Variants in PCDH18 observed in about 807,000 individuals in gnomAD.
The protein encoded by PCDH18 is protocadherin-18.
PCDH18 carries 38 observed loss-of-function variants against 71.5 expected under a neutral mutation model. The ratio of observed to expected loss-of-function variants is 0.53; its 90% CI spans 0.41 to 0.70. PCDH18 has a LOEUF of 0.70. PCDH18 is among the 30% of genes least tolerant of loss of function. The pLI is 0.00. For synonymous variants in PCDH18, 565 were observed against 505.4 expected (o/e 1.12, Z -1.58); for missense variants, 1,334 against 1,384.6 (o/e 0.96, Z 0.58).
rs1401305902 is a variant in PCDH18 at position 137,520,636 on chromosome 4, T to A, written c.*393A>T. ...AATTAAGAATTGTATAATGCTTCAG[T>A]GGGGTTGTTCATACAACATAATAAT... On this transcript the variant is annotated 3_prime_UTR_variant, in exon 4 of 4. Coordinates refer to ENST00000344876, the MANE Select transcript of PCDH18 (RefSeq NM_019035.5). The A allele has an allele frequency of 6.3e-6, 1 of 159,266 alleles. No homozygotes were observed. Among genetic ancestry groups the A allele is most frequent in the Non-Finnish European group, 1.4e-5 (1 of 72,806 alleles). The allele number at this position is 159,266 out of a possible 1,614,324, so 9.9% of individuals were successfully genotyped here.
Position 137,519,378 on chromosome 4 carries a change from A to G in PCDH18, c.*1651T>C, listed in dbSNP as rs1354644683. Reference sequence around the variant, plus strand: ...ACCTTTTTATCCTGCACAATTTAATACAAAATGTCCTAAGAAAGTATTTTT... The same window carrying G: ...ACCTTTTTATCCTGCACAATTTAATGCAAAATGTCCTAAGAAAGTATTTTT... On this transcript the variant is annotated 3_prime_UTR_variant, in exon 4 of 4. Transcript: ENST00000344876. 1 of 152,210 alleles carries G rather than the reference A, an allele frequency of 6.6e-6. No individual in the cohort carries two copies. The highest frequency in any genetic ancestry group is 1.5e-5 in the Non-Finnish European group (1 of 68,032). 9.4% of individuals were successfully genotyped at this position (152,210 alleles called of 1,614,324 possible).
At chr4:137,522,635 G>A (rs1270915895) in intron 3 of PCDH18, among the ~76,000 whole-genome samples, 1 of 152,148 alleles carries the variant, frequency 6.6e-6, no homozygotes, top group African/African-American at 2.4e-5. Context: ...GCAGAATGCA[G>A]AAAATGCAAA....
At position 137,531,963 on chromosome 4, in the gene PCDH18, T is replaced by G. The variant is rs773767369; in HGVS notation, c.126A>C (p.Ser42=). 4 of 1,614,094 alleles carry G rather than the reference T, an allele frequency of 2.5e-6. No individual in the cohort carries two copies. The South Asian group carries it at 4.4e-5, about 18-fold the overall frequency. Reference sequence around the variant, plus strand: ...CATCCTCTGATAGTCTTGCAATTACTGATCCAACCCTCTGTTCCTCATAAA... The same window carrying G: ...CATCCTCTGATAGTCTTGCAATTACGGATCCAACCCTCTGTTCCTCATAAA... ...YRIYEEQRVG[S]VIARLSEDVA... The change falls in exon 1 of 4, where the codon TCA becomes TCC. Residue 42 remains serine, a synonymous_variant. Coordinates refer to ENST00000344876, the MANE Select transcript of PCDH18 (RefSeq NM_019035.5).
In PCDH18 at chr4:137,532,339, T is replaced by C; in HGVS notation, c.-251A>G. Reference sequence around the variant, plus strand: ...TTCGTCCTCTTTCCAGGCAGGAGAGTGTCACCTCCGCGTTTTCTCCCTTGT... The same window carrying C: ...TTCGTCCTCTTTCCAGGCAGGAGAGCGTCACCTCCGCGTTTTCTCCCTTGT... On this transcript the variant is annotated 5_prime_UTR_variant, in exon 1 of 4. Transcript: ENST00000344876. The C allele has an allele frequency of 1.4e-6, 1 of 702,342 alleles. No homozygotes were observed. The allele number at this position is 702,342 out of a possible 1,614,324, so 43.5% of individuals were successfully genotyped here. A position where few individuals can be genotyped will look rare whatever the true frequency, so the allele number is the denominator to read the frequency against.
chr4:137,521,553 G>T lies in PCDH18; in HGVS notation c.2884C>A (p.His962Asn). 1 of 1,614,090 alleles carries T rather than the reference G, an allele frequency of 6.2e-7. No homozygotes were observed. The highest frequency in any genetic ancestry group is 2.2e-5 in the East Asian group (1 of 44,846). Reference sequence around the variant, plus strand: ...TCATCCTCAAGACTCTGATGTGGATGCTGCTGCTGGGGTTGCGTTGGGAAT... The same window carrying T: ...TCATCCTCAAGACTCTGATGTGGATTCTGCTGCTGGGGTTGCGTTGGGAAT... ...EEFPTQPQQQ[H>N]PHQSLEDDAQ... Residue 962 changes from histidine to asparagine, a missense_variant, in exon 4 of 4, where the codon CAT becomes AAT. By Grantham distance (68) the His-to-Asn change is moderately conservative. Transcript: ENST00000344876.
Position 137,532,016 on chromosome 4 carries a change from C to T in PCDH18, c.73G>A (p.Val25Ile). 1 of 1,613,826 alleles carries T rather than the reference C, an allele frequency of 6.2e-7. No homozygotes were observed. The change falls in exon 1 of 4, where the codon GTA (valine) becomes ATA (isoleucine). Residue 25 changes from valine to isoleucine, a missense_variant. By Grantham distance (29) the Val-to-Ile change is conservative (BLOSUM62 3). Around this residue, in one of 3 missense-constraint regions of PCDH18, gnomAD observed 1,011 missense variants for 1,048.0 expected, o/e 0.96. Transcript: ENST00000344876. ...ALLIVSFNHD[V>I]LGKNLKYRIY... ...CTGTATTTCAAATTCTTGCCCAGTA[C>T]ATCGTGGTTGAAAGATACTATCAGA... is the stretch of plus-strand genomic sequence containing the variant.
At position 137,530,883 on chromosome 4, in the gene PCDH18, A is replaced by G. The variant is rs1731662381; in HGVS notation, c.1206T>C (p.His402=). 3.1e-6 allele frequency: 5 copies of G among 1,611,752 alleles called. No individual in the cohort carries two copies. The highest frequency in any genetic ancestry group is 1.3e-5 in the African/African-American group (1 of 74,728). ...NGEIVCKLHG[H]GHFKLQKTYE... ...ATGTCTTCTGAAGTTTAAAGTGACC[A>G]TGTCCATGAAGCTTACAAACTATTT... is the stretch of plus-strand genomic sequence containing the variant. The change falls in exon 1 of 4, where the codon CAT becomes CAC. Residue 402 remains histidine (H), a synonymous_variant. Coordinates refer to ENST00000344876, the MANE Select transcript of PCDH18 (RefSeq NM_019035.5).
chr4:137,531,711 T>C lies in PCDH18; in HGVS notation c.378A>G (p.Glu126=), dbSNP rs1253228066. ...GAGAATTGTCATTAATATCCAGCAC[T>C]TCAACTTCAATATGGAAAAGCTGCA... ...EHLQLFHIEV[E]VLDINDNSPQ... Residue 126 remains glutamate (E), a synonymous_variant, in exon 1 of 4, where the codon GAA becomes GAG. Transcript: ENST00000344876. 1.2e-6 allele frequency: 2 copies of C among 1,614,020 alleles called. No individual in the cohort carries two copies. Among genetic ancestry groups the C allele is most frequent in the Non-Finnish European group, 1.7e-6 (2 of 1,180,018 alleles).
In PCDH18 at chr4:137,529,686, T is replaced by G. The variant is rs1392495035; in HGVS notation, c.2403A>C (p.Ser801=). ...ATGAGATTGTCACCAAACTGTTGAGTGACTGGTGACTGTTGTGACTCTGCC... is the reference window on the plus strand; with the variant it reads ...ATGAGATTGTCACCAAACTGTTGAGGGACTGGTGACTGTTGTGACTCTGCC... The part of the protein sequence containing the change: ...GSRQSHNSHQ[S]LNSLVTISSN... The change falls in exon 1 of 4, where the codon TCA becomes TCC. Residue 801 remains serine, a synonymous_variant. Transcript: ENST00000344876. 6.2e-7 allele frequency: 1 copy of G among 1,613,682 alleles called. No homozygotes were observed. The highest frequency in any genetic ancestry group is 8.5e-7 in the Non-Finnish European group (1 of 1,179,814).
Position 137,520,784 on chromosome 4 carries a change from A to C in PCDH18, c.*245T>G. On this transcript the variant is annotated 3_prime_UTR_variant, in exon 4 of 4. Transcript: ENST00000344876. ...AAACATGTCTGTCATGGGAGTAAAAAAATAAAATTTGTTTGTTAAATTACA... is the reference window on the plus strand; with the variant it reads ...AAACATGTCTGTCATGGGAGTAAAACAATAAAATTTGTTTGTTAAATTACA... 1 of 388,822 alleles carries C rather than the reference A, an allele frequency of 2.6e-6. No homozygotes were observed. The highest frequency in any genetic ancestry group is 4.0e-5 in the East Asian group (1 of 24,720). The allele number at this position is 388,822 out of a possible 1,614,324, so 24.1% of individuals were successfully genotyped here. A position where few individuals can be genotyped will look rare whatever the true frequency, so the allele number is the denominator to read the frequency against.
chr4:137,525,998 A>G (rs1731443232), intron 3 of PCDH18, among the ~76,000 whole-genome samples: 1 of 151,956 alleles, frequency 6.6e-6, no homozygotes, highest in African/African-American at 2.4e-5. Context: ...ATGTCTACCT[A>G]TTGTTTCGCC....
intron 3 of PCDH18, among the ~76,000 whole-genome samples, chr4:137,528,018 T>G (rs1464297142): frequency 6.6e-6 from 1 of 152,196 alleles, no homozygotes; most frequent in Admixed American, 6.6e-5. Context: ...TGTATTTTAG[T>G]CTCTGATTTT....
In PCDH18 at chr4:137,527,857, A is replaced by G. The variant is rs563664490; in HGVS notation, c.2740+621T>C. 3.3e-5 allele frequency among the ~76,000 whole-genome samples: 5 copies of G among 152,308 alleles called. No individual in the cohort carries two copies. The East Asian group carries it at 7.7e-4, about 24-fold the overall frequency. On this transcript the variant is annotated intron_variant, in intron 3 of 3. Coordinates refer to ENST00000344876, the MANE Select transcript of PCDH18 (RefSeq NM_019035.5). The stretch of plus-strand genomic sequence containing the variant: ...TTCGAAACTTAATAGCATCTCTTCT[A>G]TCTAGCTGTGTACTTAAAAATTCCA...
chr4:137,528,350 A>G, intron 3 of PCDH18, 128 bp downstream of exon 3: 1 of 727,402 alleles, frequency 1.4e-6, no homozygotes, highest in Non-Finnish European at 2.3e-6. Context: ...AACATACTAT[A>G]AAACATATTA....
chr4:137,531,877 C>T lies in PCDH18; in HGVS notation c.212G>A (p.Arg71Lys), dbSNP rs138072784. 50 of 1,613,848 alleles carry T rather than the reference C, an allele frequency of 3.1e-5. No individual in the cohort carries two copies. The highest frequency in any genetic ancestry group is 6.7e-5 in the African/African-American group (5 of 74,892). Reference protein sequence around the residue: ...PSTVRFRAMQRGNSPLLVVNE... With the variant: ...PSTVRFRAMQKGNSPLLVVNE... ...TACTACAAGTAGAGGAGAATTTCCCCTCTGCATGGCTCGAAATCGAACAGT... is the reference window on the plus strand; with the variant it reads ...TACTACAAGTAGAGGAGAATTTCCCTTCTGCATGGCTCGAAATCGAACAGT... The change falls in exon 1 of 4, where the codon AGG (arginine) becomes AAG (lysine). Residue 71 changes from arginine to lysine, a missense_variant. Physicochemically the swap from Arg to Lys is conservative, Grantham distance 26. Coordinates refer to ENST00000344876, the MANE Select transcript of PCDH18 (RefSeq NM_019035.5).
chr4:137,528,265 C>T (rs1731537336), intron 3 of PCDH18, among the ~76,000 whole-genome samples: 1 of 152,146 alleles, frequency 6.6e-6, no homozygotes, highest in African/African-American at 2.4e-5. Context: ...TACTCGTTCT[C>T]TTCCAACCGC....
At chr4:137,521,786 T>C (rs1157105730) in intron 3 of PCDH18, 90 bp from the exon 4 acceptor site, 1 of 966,628 alleles carries the variant, frequency 1.0e-6, no homozygotes, top group Non-Finnish European at 1.5e-6. Context: ...AAAAATAGAA[T>C]GAGACAATTT....
Position 137,521,611 on chromosome 4 carries a change from A to G in PCDH18, c.2826T>C (p.Asp942=). 2 of 1,613,816 alleles carry G rather than the reference A, an allele frequency of 1.2e-6. No homozygotes were observed. Among genetic ancestry groups the G allele is most frequent in the Non-Finnish European group, 8.5e-7 (1 of 1,179,972 alleles). Residue 942 remains aspartate (D), a synonymous_variant, in exon 4 of 4, where the codon GAT becomes GAC. Transcript: ENST00000344876. ...WMPPLPSPSS[D]YRSNMFIPGE... ...CTGGAATGAACATGTTACTCCTATAATCAGAAGACGGTGAGGGCAGTGGTG... is the reference window on the plus strand; with the variant it reads ...CTGGAATGAACATGTTACTCCTATAGTCAGAAGACGGTGAGGGCAGTGGTG...
chr4:137,532,130 A>G lies in PCDH18; in HGVS notation c.-42T>C. 6.6e-7 allele frequency: 1 copy of G among 1,508,702 alleles called. No homozygotes were observed. Among genetic ancestry groups the G allele is most frequent in the Middle Eastern group, 1.7e-4 (1 of 5,890 alleles). The allele number at this position is 1,508,702 out of a possible 1,614,324, so 93.5% of individuals were successfully genotyped here. ...TTTCCCTCACAGAGCAAGTTAAAAC[A>G]GCAAAGCAATTGCCTCAACTTCCTT... On this transcript the variant is annotated 5_prime_UTR_variant, in exon 1 of 4. Coordinates refer to ENST00000344876, the MANE Select transcript of PCDH18 (RefSeq NM_019035.5).
Sources: allele counts gnomAD v4.1 joint callset (sites outside exome capture counted in the v4.1 genomes callset), GRCh38; gene constraint gnomAD v4.1.1; regional missense constraint gnomAD v4.1.1; transcripts MANE v1.5; gene names NCBI Gene and HGNC (gene_info 2026-07-23, HGNC 2026-07-21).